The following PDK1 variants were observed in gnomAD, a reference collection of about 807,000 sequenced individuals.
PDK1 encodes the protein [Pyruvate dehydrogenase (acetyl-transferring)] kinase isozyme 1, mitochondrial.
PDK1 carries 39 observed loss-of-function variants against 54.2 expected under a neutral mutation model. The ratio of observed to expected loss-of-function variants is 0.72; its 90% CI spans 0.56 to 0.94. PDK1 has a LOEUF of 0.94. PDK1 is among the 40% of genes least tolerant of loss of function. PDK1 has a pLI of 0.00. For synonymous variants in PDK1, 221 were observed against 207.1 expected (o/e 1.07, Z -0.58); for missense variants, 552 against 566.0 (o/e 0.98, Z 0.25).
the PDK1 span, among the ~76,000 whole-genome samples, chr2:172,649,221 G>C: frequency 6.6e-6 from 1 of 152,212 alleles, no homozygotes; most frequent in Non-Finnish European, 1.5e-5. Flanking sequence ...CAGGCAAACA[G>C]CACCTGGAGT....
chr2:172,707,577 G>A, the PDK1 span, among the ~76,000 whole-genome samples: 1 of 152,132 alleles, frequency 6.6e-6, no homozygotes, highest in South Asian at 2.1e-4. Flanking sequence ...AGCAAAACCC[G>A]GGAACTCACA....
At position 172,605,321 on chromosome 2, in the gene PDK1, T is replaced by TA. The variant is rs1476562647; in HGVS notation, c.*9353dup. 6.6e-6 allele frequency: 1 copy of TA among 151,626 alleles called. No individual in the cohort carries two copies. Among genetic ancestry groups the TA allele is most frequent in the East Asian group, 1.9e-4 (1 of 5,166 alleles). The allele number at this position is 151,626 out of a possible 1,614,324, so 9.4% of individuals were successfully genotyped here. ...GTTCAAGAGCCTCTGAGCTTAAAGA[T>TA]ATGTGAGTGGAGCTAACTAGACTGT... On this transcript the variant is annotated 3_prime_UTR_variant, in exon 11 of 11. Coordinates refer to ENST00000282077, the MANE Select transcript of PDK1 (RefSeq NM_002610.5).
At chr2:172,619,990 C>A in the PDK1 span, among the ~76,000 whole-genome samples, 1 of 152,124 alleles carries the variant, frequency 6.6e-6, no homozygotes, top group South Asian at 2.1e-4. Context: ...CATGGCAAAA[C>A]CCCATCTCTA....
chr2:172,669,676 C>T, the PDK1 span, among the ~76,000 whole-genome samples: 2 of 152,264 alleles, frequency 1.3e-5, no homozygotes, highest in Non-Finnish European at 2.9e-5. Flanking sequence ...CTTACCAACA[C>T]TTGTTTTGGT....
chr2:172,717,106 C>T, the PDK1 span, among the ~76,000 whole-genome samples: 1 of 152,284 alleles, frequency 6.6e-6, no homozygotes, highest in African/African-American at 2.4e-5. Flanking sequence ...CAGGGTTGGC[C>T]AATGGAATAT....
the PDK1 span, among the ~76,000 whole-genome samples, chr2:172,686,403 A>G: frequency 6.6e-6 from 1 of 152,138 alleles, no homozygotes; most frequent in Admixed American, 6.5e-5. Context: ...TGCACCAATC[A>G]GTGCTCTGTA....
At chr2:172,633,381 C>CTTTTTTTTTTTTTTTT in the PDK1 span, among the ~76,000 whole-genome samples, 1 of 103,996 alleles carries the variant, frequency 9.6e-6, no homozygotes, top group African/African-American at 3.7e-5. Context: ...GATTTTCTTT[C>CTTTTTTTTTTTTTTTT]TTTTTTTTTT....
At chr2:172,618,534 AAAG>A in the PDK1 span, among the ~76,000 whole-genome samples, 1 of 152,208 alleles carries the variant, frequency 6.6e-6, no homozygotes, top group Non-Finnish European at 1.5e-5. Context: ...AAAGATGAAT[AAAG>A]AAGAAAAGAA....
In PDK1 at chr2:172,598,382, T is replaced by C. The variant is rs1201675187; in HGVS notation, c.*2413T>C. 2.6e-5 allele frequency: 4 copies of C among 152,238 alleles called. No individual in the cohort carries two copies. Among genetic ancestry groups the C allele is most frequent in the Admixed American group, 6.5e-5 (1 of 15,282 alleles). 9.4% of individuals were successfully genotyped at this position (152,238 alleles called of 1,614,324 possible). A position where few individuals can be genotyped will look rare whatever the true frequency, so the allele number is the denominator to read the frequency against. ...GCTTTTTACTCTGTTATTGTGGTAA[T>C]GGACAGAATATTACATACAAAAATA... On this transcript the variant is annotated 3_prime_UTR_variant, in exon 11 of 11. Transcript: ENST00000282077.
the PDK1 span, among the ~76,000 whole-genome samples, chr2:172,656,770 T>A: frequency 6.6e-6 from 1 of 151,724 alleles, no homozygotes; most frequent in Non-Finnish European, 1.5e-5. Context: ...ACAAAAATAG[T>A]CTCATAACCT....
the PDK1 span, among the ~76,000 whole-genome samples, chr2:172,683,658 A>G: frequency 6.6e-6 from 1 of 152,302 alleles, no homozygotes; most frequent in East Asian, 1.9e-4. Context: ...TAATGCATGG[A>G]TTATATTTAA....
At chr2:172,609,841 T>C (rs545997951), downstream of PDK1, among the ~76,000 whole-genome samples, 3 of 152,160 alleles carry the variant, frequency 2.0e-5, no homozygotes, top group South Asian at 6.2e-4. Flanking sequence ...GTTTTGTTTT[T>C]TTTGAGATGG....
the PDK1 span, among the ~76,000 whole-genome samples, chr2:172,697,778 C>G: frequency 6.6e-6 from 1 of 151,234 alleles, no homozygotes; most frequent in African/African-American, 2.4e-5. Flanking sequence ...CTTCCCCATT[C>G]TGAAGATACT....
the PDK1 span, among the ~76,000 whole-genome samples, chr2:172,718,288 A>G: frequency 6.6e-6 from 1 of 152,348 alleles, no homozygotes; most frequent in South Asian, 2.1e-4. Flanking sequence ...AAATGAAGAG[A>G]TGTTCTCACT....
At chr2:172,641,429 G>T in the PDK1 span, among the ~76,000 whole-genome samples, 2 of 143,462 alleles carry the variant, frequency 1.4e-5, no homozygotes, top group South Asian at 2.3e-4. Context: ...TGCCACATCT[G>T]GTAACTTGTC....
the PDK1 span, among the ~76,000 whole-genome samples, chr2:172,644,965 G>T: frequency 6.6e-6 from 1 of 150,656 alleles, no homozygotes; most frequent in Admixed American, 6.6e-5. Flanking sequence ...ATATTACTAT[G>T]ACAGTACTAA....
the PDK1 span, chr2:172,678,887 CCTG>C: frequency 6.6e-6 from 1 of 152,118 alleles, no homozygotes; most frequent in African/African-American, 2.4e-5. Context: ...CCAGGCTTAC[CCTG>C]AGTGGAGTTC....
chr2:172,676,562 C>T, the PDK1 span, among the ~76,000 whole-genome samples: 1 of 152,292 alleles, frequency 6.6e-6, no homozygotes, highest in South Asian at 2.1e-4. Flanking sequence ...TGAATTGCTA[C>T]AATCTCATGA....
intron 8 of PDK1, among the ~76,000 whole-genome samples, chr2:172,573,952 T>C (rs1689437164): frequency 6.6e-6 from 1 of 152,156 alleles, no homozygotes; most frequent in African/African-American, 2.4e-5. Flanking sequence ...TTGAAAATTT[T>C]CAATTTTTTT....
Sources: gnomAD v4.1 joint callset for allele counts (sites outside exome capture counted in the v4.1 genomes callset) on GRCh38, gnomAD v4.1.1 for gene constraint, MANE v1.5 for transcripts, NCBI Gene and HGNC (gene_info 2026-07-23, HGNC 2026-07-21) for gene names.